Variants in RUNX2 observed in about 807,000 individuals in gnomAD.
The protein encoded by RUNX2 is RUNX family transcription factor 2.
Under a neutral mutation model 51.7 loss-of-function variants are expected in RUNX2, and 10 were observed. The observed-to-expected ratio is 0.19, with a 90% CI of 0.12 to 0.33. RUNX2 has a LOEUF of 0.33. Ranked by LOEUF, RUNX2 falls within the 10% of genes least tolerant of loss-of-function variation. The pLI, the probability that RUNX2 is intolerant of heterozygous loss-of-function variation, is 1.00. For missense variants in RUNX2, 562 were observed against 691.3 expected (o/e 0.81, Z 2.10); for synonymous variants, 276 against 273.6 (o/e 1.01, Z -0.09).
intron 3 of RUNX2, among the ~76,000 whole-genome samples, chr6:45,424,459 C>G (rs1209303469): frequency 6.6e-6 from 1 of 152,146 alleles, no homozygotes; most frequent in Non-Finnish European, 1.5e-5. Flanking sequence ...CCCTTGCTAA[C>G]CTCTGAACTT....
At chr6:45,399,538 T>G (rs1359225852) in intron 2 of RUNX2, among the ~76,000 whole-genome samples, 4 of 151,774 alleles carry the variant, frequency 2.6e-5, no homozygotes, top group Non-Finnish European at 5.9e-5. Flanking sequence ...TTTTGTATTT[T>G]TAGTAGAGAC....
rs115822425 is a variant in RUNX2, at chr6:45,359,730, G to A, written c.58+30946G>A. Among the ~76,000 whole-genome samples the A allele has an allele frequency of 7.5e-3, 1,142 of 152,236 alleles. 21 individuals are homozygous for A. The highest frequency in any genetic ancestry group is 0.026 in the African/African-American group (1,084 of 41,524). ...GATCTGTTGTTAGATATAGGAAACT[G>A]CAACAAATGCTATGATAATATAAAA... On this transcript the variant is annotated intron_variant, in intron 2 of 8. Transcript: ENST00000647337.
At position 45,459,540 on chromosome 6, in the gene RUNX2, C is replaced by T. The variant is rs1799413167; in HGVS notation, c.685+21489C>T. On this transcript the variant is annotated intron_variant, in intron 5 of 8. Transcript: ENST00000647337. ...ATAATTAATAAACAATTAGATGGCACTGTGTATTCAATTCGGCTATCACAT... is the reference window on the plus strand; with the variant it reads ...ATAATTAATAAACAATTAGATGGCATTGTGTATTCAATTCGGCTATCACAT... Among the ~76,000 whole-genome samples, 3 of 152,298 alleles carry T rather than the reference C, an allele frequency of 2.0e-5. No individual in the cohort carries two copies. In the South Asian group the frequency reaches 6.2e-4, roughly 32 times the overall value.
At chr6:45,472,287 A>C (rs1048808121) in intron 5 of RUNX2, among the ~76,000 whole-genome samples, 5 of 152,340 alleles carry the variant, frequency 3.3e-5, no homozygotes, top group South Asian at 2.1e-4. Context: ...AAGTAAGCAG[A>C]CATCAGAAAC....
intron 7 of RUNX2, among the ~76,000 whole-genome samples, chr6:45,539,631 T>G (rs192450019): frequency 1.8e-4 from 27 of 152,328 alleles, no homozygotes; most frequent in Non-Finnish European, 3.4e-4. Context: ...GTGTGGAAAA[T>G]GCAAAGTAAT....
rs1461718347 is a variant in RUNX2 at position 45,550,872 on chromosome 6, C to A, written c.*3567C>A. On this transcript the variant is annotated 3_prime_UTR_variant, in exon 9 of 9. Coordinates refer to ENST00000647337, the MANE Select transcript of RUNX2 (RefSeq NM_001024630.4). Reference sequence around the variant, plus strand: ...TTTTTATTTTTTCCAATTGCTATTGCCCAAGAATTGCTTTCCATGCACATA... The same window carrying A: ...TTTTTATTTTTTCCAATTGCTATTGACCAAGAATTGCTTTCCATGCACATA... 1 of 152,520 alleles carries A rather than the reference C, an allele frequency of 6.6e-6. No individual in the cohort carries two copies. Among genetic ancestry groups the A allele is most frequent in the East Asian group, 1.9e-4 (1 of 5,196 alleles). 9.4% of individuals were successfully genotyped at this position (152,520 alleles called of 1,614,324 possible).
intron 5 of RUNX2, among the ~76,000 whole-genome samples, chr6:45,457,113 T>A (rs1347198799): frequency 6.6e-6 from 1 of 152,034 alleles, no homozygotes. Flanking sequence ...ATCAGATACA[T>A]GTGAAGAAAA....
chr6:45,435,666 T>A (rs552204986), intron 4 of RUNX2, among the ~76,000 whole-genome samples: 1 of 152,148 alleles, frequency 6.6e-6, no homozygotes, highest in African/African-American at 2.4e-5. Flanking sequence ...CCGACAATCT[T>A]TCTACCAGGT....
chr6:45,403,488 A>G (rs891428967), intron 2 of RUNX2, among the ~76,000 whole-genome samples: 2 of 152,000 alleles, frequency 1.3e-5, no homozygotes, highest in African/African-American at 4.8e-5. Context: ...CCGCCTCAGC[A>G]TCTCAAAGTG....
At chr6:45,457,759 C>T (rs1373731680) in intron 5 of RUNX2, among the ~76,000 whole-genome samples, 1 of 152,034 alleles carries the variant, frequency 6.6e-6, no homozygotes, top group African/African-American at 2.4e-5. Context: ...GAGGCTGGCC[C>T]ATAGAACAAA....
At chr6:45,371,393 A>AT (rs1796047776) in intron 2 of RUNX2, among the ~76,000 whole-genome samples, 1 of 137,414 alleles carries the variant, frequency 7.3e-6, no homozygotes, top group African/African-American at 2.6e-5. Context: ...GTATTAGCTC[A>AT]CTTTTTTTTT....
intron 7 of RUNX2, among the ~76,000 whole-genome samples, chr6:45,543,575 C>T (rs532660117): frequency 6.6e-6 from 1 of 152,136 alleles, no homozygotes; most frequent in Admixed American, 6.5e-5. Context: ...GGTTGCACTG[C>T]TTTTAGAACT....
At chr6:45,445,388 T>C (rs1798964202) in intron 5 of RUNX2, among the ~76,000 whole-genome samples, 1 of 152,160 alleles carries the variant, frequency 6.6e-6, no homozygotes, top group South Asian at 2.1e-4. Flanking sequence ...GTAAAATATG[T>C]TGGATAGAGG....
At chr6:45,535,834 G>A (rs776710147) in intron 7 of RUNX2, among the ~76,000 whole-genome samples, 1 of 151,980 alleles carries the variant, frequency 6.6e-6, no homozygotes, top group Non-Finnish European at 1.5e-5. Context: ...AGGCAGGAAG[G>A]TGGGAAAAGG....
intron 2 of RUNX2, among the ~76,000 whole-genome samples, chr6:45,379,210 G>T (rs991860482): frequency 1.3e-5 from 2 of 152,154 alleles, no homozygotes; most frequent in South Asian, 4.1e-4. Context: ...ATATATTTAG[G>T]ATGTGAGAGC....
intron 5 of RUNX2, among the ~76,000 whole-genome samples, chr6:45,457,982 A>G (rs1206443581): frequency 6.6e-6 from 1 of 151,404 alleles, no homozygotes. Flanking sequence ...GACAGTCTAT[A>G]TGGGATCTAA....
intron 5 of RUNX2, among the ~76,000 whole-genome samples, chr6:45,454,716 T>A (rs1223111191): frequency 2.0e-5 from 3 of 152,206 alleles, no homozygotes; most frequent in Non-Finnish European, 4.4e-5. Context: ...GTTACAGCAA[T>A]GAGGTCCTCC....
chr6:45,471,960 A>G (rs1337666312), intron 5 of RUNX2, among the ~76,000 whole-genome samples: 3 of 152,186 alleles, frequency 2.0e-5, no homozygotes, highest in Non-Finnish European at 4.4e-5. Flanking sequence ...CCAGTATACT[A>G]TTAAAGTTAA....
chr6:45,448,896 CA>C (rs1799079303), intron 5 of RUNX2, among the ~76,000 whole-genome samples: 1 of 152,080 alleles, frequency 6.6e-6, no homozygotes, highest in Non-Finnish European at 1.5e-5. Context: ...GGTTGTTCTA[CA>C]AGAAGTGAGG....
Sources: gnomAD v4.1 joint callset for allele counts (sites outside exome capture counted in the v4.1 genomes callset) on GRCh38, gnomAD v4.1.1 for gene constraint, MANE v1.5 for transcripts, NCBI Gene and HGNC (gene_info 2026-07-23, HGNC 2026-07-21) for gene names.